SWT1: variants seen among roughly 807,000 people sequenced by gnomAD.
SWT1 encodes SWT1 RNA endoribonuclease homolog, also known as transcriptional protein SWT1.
SWT1 carries 33 observed loss-of-function variants against 107.3 expected under a neutral mutation model. The ratio of observed to expected loss-of-function variants is 0.31; its 90% CI spans 0.23 to 0.41. The LOEUF (loss-of-function observed/expected upper bound fraction) is 0.41, where lower values mean the gene tolerates loss of function less well. SWT1 is among the 10% of genes least tolerant of loss of function. The probability of loss-of-function intolerance (pLI) is 1.00; values close to 1 mark genes in which losing one functional copy is unlikely to be tolerated. For missense variants in SWT1, 898 were observed against 1,028.9 expected (o/e 0.87, Z 1.74); for synonymous variants, 345 against 348.3 (o/e 0.99, Z 0.11).
chr1:185,290,798 A>G lies in SWT1; in HGVS notation c.2698A>G (p.Ile900Val), dbSNP rs1665213408. Residue 900 changes from isoleucine (I) to valine (V), a missense_variant, in exon 19 of 19, where the codon ATA becomes GTA. Ile to Val is a conservative substitution (Grantham distance 29, BLOSUM62 3). Coordinates refer to ENST00000367500, the MANE Select transcript of SWT1 (RefSeq NM_017673.7). ...GWCEDMLNYRI is the reference protein window; with the variant it reads ...GWCEDMLNYRV The stretch of plus-strand genomic sequence containing the variant: ...GTGTGAAGACATGCTCAACTATAGG[A>G]TATAAGTACTGATTTGTAACTTTAA... 1 of 1,603,302 alleles carries G rather than the reference A, an allele frequency of 6.2e-7. No individual in the cohort carries two copies. The highest frequency in any genetic ancestry group is 2.2e-5 in the East Asian group (1 of 44,480).
At chr1:185,256,009 G>A (rs1200913462) in intron 16 of SWT1, among the ~76,000 whole-genome samples, 1 of 151,832 alleles carries the variant, frequency 6.6e-6, no homozygotes, top group Non-Finnish European at 1.5e-5. Context: ...TTGCTTGTCT[G>A]TAAAGTATTT....
chr1:185,206,831 G>A, intron 13 of SWT1, 68 bp downstream of exon 13: 2 of 1,096,608 alleles, frequency 1.8e-6, no homozygotes, highest in Middle Eastern at 2.3e-4. Context: ...TATTTCCTGG[G>A]ATGTGAAGAT....
At chr1:185,227,209 T>G in intron 15 of SWT1, 1 of 834,772 alleles carries the variant, frequency 1.2e-6, no homozygotes, top group Non-Finnish European at 2.1e-6. Flanking sequence ...ACAGCTCCCT[T>G]CAGGGTGCTA....
intron 18 of SWT1, among the ~76,000 whole-genome samples, chr1:185,282,690 T>C (rs1664711565): frequency 6.6e-6 from 1 of 152,090 alleles, no homozygotes; most frequent in African/African-American, 2.4e-5. Flanking sequence ...GGGGGCAGTC[T>C]TGTTTGATGA....
chr1:185,269,315 G>A (rs1479160508), intron 16 of SWT1, among the ~76,000 whole-genome samples: 1 of 151,016 alleles, frequency 6.6e-6, no homozygotes, highest in East Asian at 1.9e-4. Context: ...AATTATGTAT[G>A]GGTCCTTCTC....
intron 15 of SWT1, chr1:185,227,083 C>A: frequency 8.9e-7 from 1 of 1,125,896 alleles, no homozygotes; most frequent in Non-Finnish European, 1.3e-6. Context: ...CACATGTAAT[C>A]TGCAACATTC....
chr1:185,280,651 G>A (rs1237093596), intron 18 of SWT1, among the ~76,000 whole-genome samples: 1 of 152,178 alleles, frequency 6.6e-6, no homozygotes, highest in African/African-American at 2.4e-5. Flanking sequence ...CAGAAGGGGA[G>A]AGGGGCTCCA....
intron 16 of SWT1, among the ~76,000 whole-genome samples, chr1:185,250,449 C>T (rs916698511): frequency 6.6e-6 from 1 of 152,120 alleles, no homozygotes; most frequent in African/African-American, 2.4e-5. Flanking sequence ...TTGAATAGTT[C>T]TTACACTGCT....
At chr1:185,260,171 CCA>C (rs750203911) in intron 16 of SWT1, among the ~76,000 whole-genome samples, 1 of 152,010 alleles carries the variant, frequency 6.6e-6, no homozygotes, top group Non-Finnish European at 1.5e-5. Context: ...ATCCTTAAGC[CCA>C]AGGGGCAACT....
At position 185,290,934 on chromosome 1, in the gene SWT1, C is replaced by T. The variant is rs896405038; in HGVS notation, c.*131C>T. The T allele has an allele frequency of 1.3e-4, 80 of 639,472 alleles. No individual in the cohort carries two copies. The highest frequency in any genetic ancestry group is 1.7e-4 in the Non-Finnish European group (70 of 409,174). 39.6% of individuals were successfully genotyped at this position (639,472 alleles called of 1,614,324 possible). On this transcript the variant is annotated 3_prime_UTR_variant, in exon 19 of 19. Transcript: ENST00000367500. ...TGTTTCATAGGTATAAAAAGGTGAT[C>T]GCCTATTACTGACAGTCTCATTGTA...
At chr1:185,208,741 T>A (rs1282696264) in intron 13 of SWT1, among the ~76,000 whole-genome samples, 1 of 131,472 alleles carries the variant, frequency 7.6e-6, no homozygotes, top group Admixed American at 7.5e-5. Flanking sequence ...TCGATGAATA[T>A]CTTTTTTTTT....
intron 2 of SWT1, among the ~76,000 whole-genome samples, chr1:185,161,947 C>T (rs2102294291): frequency 6.6e-6 from 1 of 152,240 alleles, no homozygotes; most frequent in East Asian, 1.9e-4. Context: ...AAAGTGATTT[C>T]TGTGGTGGCA....
intron 4 of SWT1, among the ~76,000 whole-genome samples, chr1:185,168,906 T>C (rs961775329): frequency 2.0e-5 from 3 of 152,120 alleles, no homozygotes; most frequent in African/African-American, 7.2e-5. Context: ...GGATAAAAAT[T>C]TCAGTGAAAT....
intron 10 of SWT1, among the ~76,000 whole-genome samples, chr1:185,199,629 G>T (rs1431980193): frequency 6.6e-6 from 1 of 152,194 alleles, no homozygotes; most frequent in Admixed American, 6.5e-5. Flanking sequence ...AGTCTGCTGG[G>T]CTTCCCTTTG....
chr1:185,179,701 C>CT (rs1655863169), intron 5 of SWT1, among the ~76,000 whole-genome samples: 1 of 152,020 alleles, frequency 6.6e-6, no homozygotes, highest in Admixed American at 6.6e-5. Flanking sequence ...CATTATTTCT[C>CT]TTTTTTTGGG....
chr1:185,225,062 A>G (rs1376658050), intron 15 of SWT1, among the ~76,000 whole-genome samples: 1 of 152,092 alleles, frequency 6.6e-6, no homozygotes, highest in African/African-American at 2.4e-5. Flanking sequence ...TTTGTCATAT[A>G]TGGCCTTTAT....
intron 5 of SWT1, among the ~76,000 whole-genome samples, chr1:185,178,864 C>CTA (rs1655792459): frequency 6.6e-6 from 1 of 152,124 alleles, no homozygotes; most frequent in Admixed American, 6.5e-5. Context: ...GTTGTTATAT[C>CTA]ATGTGAGGTT....
At chr1:185,191,039 G>T (rs1656906043) in intron 10 of SWT1, among the ~76,000 whole-genome samples, 2 of 152,160 alleles carry the variant, frequency 1.3e-5, no homozygotes. Context: ...GAGTTAGACT[G>T]CCTGGCTTGG....
intron 13 of SWT1, 53 bp from the exon 14 acceptor site, chr1:185,214,454 T>C: frequency 7.2e-7 from 1 of 1,385,794 alleles, no homozygotes; most frequent in South Asian, 1.4e-5. Flanking sequence ...AAGACATTTT[T>C]ATGATGTATA....
Sources: gnomAD v4.1 joint callset for allele counts (sites outside exome capture counted in the v4.1 genomes callset) on GRCh38, gnomAD v4.1.1 for gene constraint, MANE v1.5 for transcripts, NCBI Gene and HGNC (gene_info 2026-07-23, HGNC 2026-07-21) for gene names.